The following LYN variants were observed in gnomAD, a reference collection of about 807,000 sequenced individuals.
LYN encodes tyrosine-protein kinase Lyn.
Under a neutral mutation model 65.0 loss-of-function variants are expected in LYN, and 12 were observed. That is an observed-to-expected ratio of 0.18 (90% CI 0.12 to 0.30). The LOEUF is 0.30. LYN is among the 10% of genes least tolerant of loss of function. The probability of loss-of-function intolerance (pLI) is 1.00; values close to 1 mark genes in which losing one functional copy is unlikely to be tolerated. For synonymous variants in LYN, 222 were observed against 221.2 expected (o/e 1.00, Z -0.03); for missense variants, 380 against 623.2 (o/e 0.61, Z 4.16).
At chr8:56,005,479 T>C (rs1026289652) in intron 12 of LYN, among the ~76,000 whole-genome samples, 11 of 152,228 alleles carry the variant, frequency 7.2e-5, no homozygotes, top group African/African-American at 2.7e-4. Flanking sequence ...TCATGGTATA[T>C]GCTGACCACA....
chr8:55,948,763 A>T (rs1192816497), intron 4 of LYN, among the ~76,000 whole-genome samples: 1 of 152,200 alleles, frequency 6.6e-6, no homozygotes, highest in Admixed American at 6.5e-5. Flanking sequence ...CTGCCACTTG[A>T]TAGCTGTATG....
At chr8:55,987,884 A>T (rs1439329090) in intron 10 of LYN, among the ~76,000 whole-genome samples, 1 of 152,192 alleles carries the variant, frequency 6.6e-6, no homozygotes, top group African/African-American at 2.4e-5. Flanking sequence ...AACCTACTTT[A>T]TGGGCTTATT....
intron 2 of LYN, 59 bp from the exon 3 acceptor site, chr8:55,946,389 C>A: frequency 1.9e-6 from 2 of 1,077,740 alleles, no homozygotes; most frequent in Non-Finnish European, 2.9e-6. Flanking sequence ...ATATACAACA[C>A]GAATGTGAGT....
intron 10 of LYN, chr8:55,980,542 G>T (rs1807889539): frequency 6.6e-6 from 1 of 152,236 alleles, no homozygotes; most frequent in Non-Finnish European, 1.5e-5. Flanking sequence ...CCCCACAGTT[G>T]CTTCTTAACT....
chr8:56,012,563 T>G lies in LYN; in HGVS notation c.*2453T>G, dbSNP rs938202455. 1 of 154,062 alleles carries G rather than the reference T, an allele frequency of 6.5e-6. No individual in the cohort carries two copies. The highest frequency in any genetic ancestry group is 6.5e-5 in the Admixed American group (1 of 15,274). 9.5% of individuals were successfully genotyped at this position (154,062 alleles called of 1,614,324 possible). On this transcript the variant is annotated 3_prime_UTR_variant, in exon 13 of 13. Coordinates refer to ENST00000519728, the MANE Select transcript of LYN (RefSeq NM_002350.4). ...ATATAGCAAGTCTCTACAAAAAATT[T>G]TAAAAATTAGCTAAGTGTGGTGGCA... is the stretch of plus-strand genomic sequence containing the variant.
chr8:55,973,113 C>T (rs1807656438), intron 10 of LYN, among the ~76,000 whole-genome samples: 1 of 152,172 alleles, frequency 6.6e-6, no homozygotes, highest in African/African-American at 2.4e-5. Context: ...TTCCCACCAT[C>T]TGTATCTGGC....
At chr8:55,886,499 CG>C (rs1373369514) in intron 1 of LYN, among the ~76,000 whole-genome samples, 4 of 152,222 alleles carry the variant, frequency 2.6e-5, no homozygotes, top group African/African-American at 7.2e-5. Flanking sequence ...CTGCCTGCCT[CG>C]GCCTCCCAAA....
At position 55,911,279 on chromosome 8, in the gene LYN, ATATATAT is replaced by A. The variant is rs1422703259; in HGVS notation, c.-5-30574_-5-30568del. Among the ~76,000 whole-genome samples the A allele has an allele frequency of 3.3e-3, 151 of 46,224 alleles. 4 individuals carry two copies. Among genetic ancestry groups the A allele is most frequent in the African/African-American group, 0.01 (135 of 12,860 alleles). 30.3% of individuals were successfully genotyped at this position (46,224 alleles called of 152,430 possible). A position where few individuals can be genotyped will look rare whatever the true frequency, so the allele number is the denominator to read the frequency against. On this transcript the variant is annotated intron_variant, in intron 1 of 12. Coordinates refer to ENST00000519728, the MANE Select transcript of LYN (RefSeq NM_002350.4). ...TGTGTATATATATATATATATATAT[ATATATAT>A]TTTTTTTTTTTTTTTAGTAGAGACA... is the stretch of plus-strand genomic sequence containing the variant.
intron 10 of LYN, among the ~76,000 whole-genome samples, chr8:55,977,256 A>G (rs1245220991): frequency 6.6e-6 from 1 of 152,230 alleles, no homozygotes; most frequent in Non-Finnish European, 1.5e-5. Flanking sequence ...ACTGTTTTGT[A>G]GATAACTCTG....
At chr8:55,900,767 T>C (rs950005013) in intron 1 of LYN, among the ~76,000 whole-genome samples, 29 of 152,188 alleles carry the variant, frequency 1.9e-4, no homozygotes, top group Non-Finnish European at 4.3e-4. Flanking sequence ...CTCTTCAGTA[T>C]GTATCTCATA....
chr8:56,008,705 C>G (rs556842091), intron 12 of LYN, among the ~76,000 whole-genome samples: 12 of 152,256 alleles, frequency 7.9e-5, no homozygotes, highest in Non-Finnish European at 1.3e-4. Context: ...ATTACCAGGC[C>G]TTTTGCAGAG....
intron 10 of LYN, among the ~76,000 whole-genome samples, chr8:55,994,847 G>A (rs1808333305): frequency 6.6e-6 from 1 of 152,182 alleles, no homozygotes; most frequent in Non-Finnish European, 1.5e-5. Context: ...AGCTATGACC[G>A]CTCAATTGCT....
At chr8:55,935,443 G>A (rs372285574) in intron 1 of LYN, among the ~76,000 whole-genome samples, 1 of 152,076 alleles carries the variant, frequency 6.6e-6, no homozygotes, top group Non-Finnish European at 1.5e-5. Context: ...AAATAAAGAC[G>A]GTCTGGCTAG....
At chr8:55,969,354 G>A (rs577465999) in intron 9 of LYN, among the ~76,000 whole-genome samples, 146 of 152,328 alleles carry the variant, frequency 9.6e-4, no homozygotes, top group Admixed American at 3.3e-4. Context: ...GCCTGGCCAA[G>A]TGTCTGCAGA....
chr8:55,969,920 G>A, intron 10 of LYN, 127 bp downstream of exon 10: 1 of 766,072 alleles, frequency 1.3e-6, no homozygotes, highest in Admixed American at 2.0e-5. Flanking sequence ...GCAGTTATGA[G>A]AAAAAGACCT....
intron 12 of LYN, among the ~76,000 whole-genome samples, chr8:56,003,660 C>T (rs780684552): frequency 2.0e-5 from 3 of 146,824 alleles, no homozygotes; most frequent in African/African-American, 7.6e-5. Context: ...AGCTACAAAG[C>T]GAGACTCTGT....
At chr8:55,944,377 T>C (rs910693590) in intron 2 of LYN, among the ~76,000 whole-genome samples, 1 of 152,188 alleles carries the variant, frequency 6.6e-6, no homozygotes. Context: ...AATAGTTTTC[T>C]TATAGACATC....
intron 1 of LYN, among the ~76,000 whole-genome samples, chr8:55,889,498 ACAC>A (rs1273822214): frequency 6.6e-6 from 1 of 152,162 alleles, no homozygotes; most frequent in East Asian, 1.9e-4. Flanking sequence ...GTGAGCCACC[ACAC>A]CCAGCCCAAG....
At chr8:55,919,524 C>T (rs1282129333) in intron 1 of LYN, among the ~76,000 whole-genome samples, 1 of 152,198 alleles carries the variant, frequency 6.6e-6, no homozygotes, top group East Asian at 1.9e-4. Flanking sequence ...GGATGGGCCA[C>T]AGGCTGGGGT....
Sources: gnomAD v4.1 joint callset for allele counts (sites outside exome capture counted in the v4.1 genomes callset) on GRCh38, gnomAD v4.1.1 for gene constraint, MANE v1.5 for transcripts, NCBI Gene and HGNC (gene_info 2026-07-23, HGNC 2026-07-21) for gene names.